BCL2L11: variants seen among roughly 807,000 people sequenced by gnomAD.
The protein encoded by BCL2L11 is BCL2 like 11.
A neutral mutation model predicts 20.6 loss-of-function variants in BCL2L11; 15 were observed. The observed-to-expected ratio is 0.73, with a 90% CI of 0.49 to 1.12. The LOEUF (loss-of-function observed/expected upper bound fraction) is 1.12. Among genes scored for constraint, BCL2L11 ranks in the 50% most tolerant of loss-of-function variants. The pLI is 0.00. For synonymous variants in BCL2L11, 108 were observed against 92.8 expected, an observed-to-expected ratio of 1.16 and a Z score of -0.94; for missense variants, 292 against 260.9, an observed-to-expected ratio of 1.12 and a Z score of -0.82.
chr2:111,157,068 A>G (rs1042958505), intron 3 of BCL2L11, among the ~76,000 whole-genome samples: 4 of 152,154 alleles, frequency 2.6e-5, no homozygotes, highest in Non-Finnish European at 4.4e-5. Flanking sequence ...GTGTGTTTAA[A>G]TGGCTGGATG....
chr2:111,140,471 T>C (rs573113761), intron 2 of BCL2L11, among the ~76,000 whole-genome samples: 1 of 152,324 alleles, frequency 6.6e-6, no homozygotes, highest in South Asian at 2.1e-4. Context: ...GATACTTTTT[T>C]CAAAGAAGGC....
At chr2:111,141,101 A>G (rs1479255511) in intron 2 of BCL2L11, among the ~76,000 whole-genome samples, 2 of 152,234 alleles carry the variant, frequency 1.3e-5, no homozygotes, top group Non-Finnish European at 2.9e-5. Context: ...CAAATGCCTT[A>G]GCCTGCCTGG....
At chr2:111,155,873 T>C (rs926874802) in intron 3 of BCL2L11, among the ~76,000 whole-genome samples, 1 of 152,254 alleles carries the variant, frequency 6.6e-6, no homozygotes, top group Non-Finnish European at 1.5e-5. Flanking sequence ...TTGATTGAAG[T>C]GCATGTAGAC....
chr2:111,147,387 CA>C (rs943607027), intron 2 of BCL2L11, among the ~76,000 whole-genome samples: 24 of 151,294 alleles, frequency 1.6e-4, no homozygotes, highest in South Asian at 8.4e-4. Flanking sequence ...CACACACACA[CA>C]CACCCGCCAT....
intron 1 of BCL2L11, chr2:111,122,913 A>C (rs2071462529): frequency 2.0e-6 from 2 of 984,968 alleles, no homozygotes; most frequent in Non-Finnish European, 1.2e-6. Context: ...CTCTGAAGGG[A>C]AGGCGCGGAC....
At chr2:111,129,931 T>C (rs1219642029) in intron 2 of BCL2L11, among the ~76,000 whole-genome samples, 4 of 152,256 alleles carry the variant, frequency 2.6e-5, no homozygotes, top group African/African-American at 9.6e-5. Context: ...ATCGGAGATG[T>C]TGTGTAACAA....
rs760536877 is a variant in BCL2L11, at chr2:111,123,971, A to G, written c.226A>G (p.Arg76Gly). The G allele has an allele frequency of 6.2e-7, 1 of 1,614,226 alleles. No homozygotes were observed. The highest frequency in any genetic ancestry group is 2.2e-5 in the East Asian group (1 of 44,884). ...TGCCAGCCCTGGCCCTTTTGCTACC[A>G]GATCCCCGCTTTTCATCTTTATGAG... is the stretch of plus-strand genomic sequence containing the variant. ...PPASPGPFAT[R>G]SPLFIFMRRS... Residue 76 changes from arginine to glycine, a missense_variant, in exon 2 of 4, where the codon AGA becomes GGA. Coordinates refer to ENST00000393256, the MANE Select transcript of BCL2L11 (RefSeq NM_138621.5).
At chr2:111,137,952 G>T (rs959647819) in intron 2 of BCL2L11, among the ~76,000 whole-genome samples, 2 of 151,026 alleles carry the variant, frequency 1.3e-5, no homozygotes, top group Non-Finnish European at 2.9e-5. Flanking sequence ...TCAGTAGTGG[G>T]TATTGTTGTA....
chr2:111,164,423 T>C lies in BCL2L11; in HGVS notation c.*192T>C, dbSNP rs958268112. The C allele has an allele frequency of 2.0e-6, 1 of 505,936 alleles. No homozygotes were observed. Among genetic ancestry groups the C allele is most frequent in the Admixed American group, 3.2e-5 (1 of 30,882 alleles). 31.3% of individuals were successfully genotyped at this position (505,936 alleles called of 1,614,324 possible). A position where few individuals can be genotyped will look rare whatever the true frequency, so the allele number is the denominator to read the frequency against. On this transcript the variant is annotated 3_prime_UTR_variant, in exon 4 of 4. Transcript: ENST00000393256. Reference sequence around the variant, plus strand: ...GTTCATCACCACACAGCAGAATTTCTAATGGAAGTTTGTTGTGAATGTAAA... The same window carrying C: ...GTTCATCACCACACAGCAGAATTTCCAATGGAAGTTTGTTGTGAATGTAAA...
At position 111,168,063 on chromosome 2, in the gene BCL2L11, C is replaced by G. The variant is rs2079110191; in HGVS notation, c.*3832C>G. 2.0e-5 allele frequency: 3 copies of G among 152,682 alleles called. No homozygotes were observed. The South Asian group carries it at 6.2e-4, about 32-fold the overall frequency. The allele number at this position is 152,682 out of a possible 1,614,324, so 9.5% of individuals were successfully genotyped here. On this transcript the variant is annotated 3_prime_UTR_variant, in exon 4 of 4. Coordinates refer to ENST00000393256, the MANE Select transcript of BCL2L11 (RefSeq NM_138621.5). The stretch of plus-strand genomic sequence containing the variant: ...GACGCTAAATCAGTTGGGGTCTACT[C>G]TAAACAGCATTGTGTGTAAGAAGCA...
At chr2:111,135,376 A>T (rs562013571) in intron 2 of BCL2L11, among the ~76,000 whole-genome samples, 1 of 152,280 alleles carries the variant, frequency 6.6e-6, no homozygotes, top group East Asian at 1.9e-4. Flanking sequence ...CCCAGTGCAC[A>T]CTGCTTTATT....
chr2:111,123,322 G>A, intron 1 of BCL2L11: 1 of 985,516 alleles, frequency 1.0e-6, no homozygotes, highest in Non-Finnish European at 1.2e-6. Context: ...CCAGCCGCCT[G>A]CAATCGCTGC....
At chr2:111,122,484 C>A (rs114848386) in intron 1 of BCL2L11, among the ~76,000 whole-genome samples, 1 of 152,258 alleles carries the variant, frequency 6.6e-6, no homozygotes, top group Admixed American at 6.5e-5. Context: ...CCTTTGGCGG[C>A]CTGACCCGTA....
Position 111,127,930 on chromosome 2 carries a change from T to G in BCL2L11, c.394+3791T>G, listed in dbSNP as rs372757159. Among the ~76,000 whole-genome samples, 12 of 152,280 alleles carry G rather than the reference T, an allele frequency of 7.9e-5. 3 individuals carry two copies. Among genetic ancestry groups the G allele is most frequent in the African/African-American group, 2.9e-4 (12 of 41,586 alleles). ...TTAAATATATAGGTTAAATAAAATATAAACTTGTATTGCAGTTAAACACAA... is the reference window on the plus strand; with the variant it reads ...TTAAATATATAGGTTAAATAAAATAGAAACTTGTATTGCAGTTAAACACAA... On this transcript the variant is annotated intron_variant, in intron 2 of 3. Transcript: ENST00000393256.
At chr2:111,161,513 AGACGGTCAAGGCATGGCT>A in intron 3 of BCL2L11, 1 of 1,549,694 alleles carries the variant, frequency 6.5e-7, no homozygotes, top group Non-Finnish European at 8.7e-7. Context: ...GGTCTCAGGA[AGACGGTCAAGGCATGGCT>A]GCTGATGATC....
intron 3 of BCL2L11, chr2:111,161,654 C>A: frequency 7.8e-7 from 1 of 1,278,410 alleles, no homozygotes; most frequent in Non-Finnish European, 1.0e-6. Flanking sequence ...TAACTGGCAA[C>A]TCCCCTGCAA....
rs79345251 is a variant in BCL2L11, at chr2:111,151,948, C to T, written c.498+1801C>T. The T allele has an allele frequency of 2.1e-3, 2,924 of 1,384,264 alleles. 50 individuals are homozygous for T. In the African/African-American group the frequency reaches 0.035, roughly 17 times the overall value. 85.7% of individuals were successfully genotyped at this position (1,384,264 alleles called of 1,614,324 possible). A position where few individuals can be genotyped will look rare whatever the true frequency, so the allele number is the denominator to read the frequency against. On this transcript the variant is annotated intron_variant, in intron 3 of 3. Transcript: ENST00000393256. ...ATAACTTGTCACTGAAGTAACCATT[C>T]CCTCCAGTTCCTCTGCCTTGGTTTA... is the stretch of plus-strand genomic sequence containing the variant.
chr2:111,146,222 A>G (rs749626028), intron 2 of BCL2L11: 445 of 984,438 alleles, frequency 4.5e-4, no homozygotes, highest in Non-Finnish European at 5.1e-4. Flanking sequence ...AAAATTGCCA[A>G]GTTAAAAATT....
At chr2:111,123,684 C>T (rs2071779290) in intron 1 of BCL2L11, 49 bp from the exon 2 acceptor site, 2 of 1,339,588 alleles carry the variant, frequency 1.5e-6, no homozygotes, top group African/African-American at 1.5e-5. Context: ...GTTTATTCAT[C>T]GATTTTTTTT....
Sources: allele counts gnomAD v4.1 joint callset (sites outside exome capture counted in the v4.1 genomes callset), GRCh38; gene constraint gnomAD v4.1.1; transcripts MANE v1.5; gene names NCBI Gene and HGNC (gene_info 2026-07-23, HGNC 2026-07-21).